Variants in GRID1 observed in about 807,000 individuals in gnomAD.
GRID1 encodes glutamate ionotropic receptor delta type subunit 1, also known as glutamate receptor ionotropic, delta-1.
A neutral mutation model predicts 98.0 loss-of-function variants in GRID1; 28 were observed. The observed-to-expected ratio is 0.29, with a 90% CI of 0.21 to 0.39. The LOEUF (loss-of-function observed/expected upper bound fraction) is 0.39. GRID1 is among the 10% of genes least tolerant of loss of function. The pLI, the probability that GRID1 is intolerant of heterozygous loss-of-function variation, is 1.00. For missense variants in GRID1, 1,111 were observed against 1,340.5 expected, an observed-to-expected ratio of 0.83 and a Z score of 2.67; for synonymous variants, 553 against 538.5, an observed-to-expected ratio of 1.03 and a Z score of -0.37.
At chr10:85,860,197 G>A (rs1360839612) in intron 6 of GRID1, among the ~76,000 whole-genome samples, 1 of 152,184 alleles carries the variant, frequency 6.6e-6, no homozygotes, top group African/African-American at 2.4e-5. Context: ...GCACAGTACA[G>A]AGTCCATTAG....
chr10:85,760,523 C>T (rs1181188401), intron 8 of GRID1, among the ~76,000 whole-genome samples: 1 of 152,164 alleles, frequency 6.6e-6, no homozygotes, highest in Non-Finnish European at 1.5e-5. Flanking sequence ...CATTTTCTGC[C>T]AGGTAAACTA....
chr10:86,062,986 T>C (rs1192212858), intron 4 of GRID1, among the ~76,000 whole-genome samples: 2 of 152,202 alleles, frequency 1.3e-5, no homozygotes, highest in South Asian at 2.1e-4. Flanking sequence ...TACCCAGAAC[T>C]TGGGAGGGAC....
At chr10:86,251,234 A>G (rs1846824917) in intron 2 of GRID1, among the ~76,000 whole-genome samples, 2 of 152,114 alleles carry the variant, frequency 1.3e-5, no homozygotes, top group African/African-American at 4.8e-5. Context: ...CCCTCTGCCT[A>G]GGAAAACCAG....
intron 12 of GRID1, among the ~76,000 whole-genome samples, chr10:85,721,144 G>A (rs2132648281): frequency 6.6e-6 from 1 of 152,308 alleles, no homozygotes; most frequent in Non-Finnish European, 1.5e-5. Flanking sequence ...CCACAATGAA[G>A]TATGACTCCA....
rs976882947 is a variant in GRID1, at chr10:86,041,238, G to T, written c.726+97581C>A. Among the ~76,000 whole-genome samples, 84 of 152,342 alleles carry T rather than the reference G, an allele frequency of 5.5e-4. 1 individual carries two copies. The highest frequency in any genetic ancestry group is 1.9e-3 in the African/African-American group (81 of 41,578). ...TCTGTTTCCTGCAAACCAACCCAGG[G>T]TGTGAGTGGTTGGGCAGGCCCTTGA... On this transcript the variant is annotated intron_variant, in intron 4 of 15. Coordinates refer to ENST00000327946, the MANE Select transcript of GRID1 (RefSeq NM_017551.3).
In GRID1 at chr10:85,737,645, GATATATAT is replaced by G. The variant is rs66947723; in HGVS notation, c.1234-8039_1234-8032del. Among the ~76,000 whole-genome samples, 715 of 95,686 alleles carry G rather than the reference GATATATAT, an allele frequency of 7.5e-3. 18 individuals are homozygous for G. The highest frequency in any genetic ancestry group is 0.014 in the South Asian group (38 of 2,716). 62.8% of individuals were successfully genotyped at this position (95,686 alleles called of 152,430 possible). A position where few individuals can be genotyped will look rare whatever the true frequency, so the allele number is the denominator to read the frequency against. ...TTGAACAACAACAACAGTAAAGCCA[GATATATAT>G]ATATATATATATATATATATAAACA... On this transcript the variant is annotated intron_variant, in intron 8 of 15. Transcript: ENST00000327946.
chr10:85,759,409 T>A (rs1320603024), intron 8 of GRID1, among the ~76,000 whole-genome samples: 1 of 152,160 alleles, frequency 6.6e-6, no homozygotes, highest in East Asian at 1.9e-4. Context: ...GGAGCCCCAC[T>A]CAAGCTGATC....
At chr10:85,660,361 A>G (rs1840951554) in intron 12 of GRID1, among the ~76,000 whole-genome samples, 1 of 152,238 alleles carries the variant, frequency 6.6e-6, no homozygotes, top group Non-Finnish European at 1.5e-5. Context: ...TGTTTGTCCA[A>G]TGGGAGCAAA....
chr10:85,925,210 C>G (rs1471016547), intron 4 of GRID1, among the ~76,000 whole-genome samples: 1 of 152,162 alleles, frequency 6.6e-6, no homozygotes, highest in Non-Finnish European at 1.5e-5. Flanking sequence ...AAATAAGGCC[C>G]CCCATGTTCT....
intron 13 of GRID1, chr10:85,644,133 A>G (rs1173278300): frequency 6.6e-6 from 1 of 152,234 alleles, no homozygotes; most frequent in Non-Finnish European, 1.5e-5. Context: ...GGTACTTGTG[A>G]GGAGCCCAGC....
At chr10:85,886,975 C>T (rs563178254) in intron 5 of GRID1, among the ~76,000 whole-genome samples, 21 of 152,254 alleles carry the variant, frequency 1.4e-4, no homozygotes, top group Admixed American at 1.2e-3. Context: ...TGTGTGATAC[C>T]AGCATTACTC....
intron 4 of GRID1, among the ~76,000 whole-genome samples, chr10:85,923,313 C>A (rs1416596329): frequency 1.3e-5 from 2 of 152,190 alleles, no homozygotes; most frequent in Admixed American, 6.5e-5. Context: ...AAGGCAATCA[C>A]TCCCAGCTCT....
At chr10:85,622,416 T>A (rs12266146) in intron 13 of GRID1, among the ~76,000 whole-genome samples, 1,909 of 152,124 alleles carry the variant, frequency 0.013, 17 homozygotes, top group African/African-American at 0.025. Flanking sequence ...TTCTTTTTTT[T>A]AAAAAAAATA....
At chr10:85,885,253 T>G (rs537260185) in intron 5 of GRID1, among the ~76,000 whole-genome samples, 1 of 152,310 alleles carries the variant, frequency 6.6e-6, no homozygotes, top group Admixed American at 6.5e-5. Context: ...CATGCTTAAT[T>G]CACTGATTCG....
At chr10:86,046,148 C>T (rs933620081) in intron 4 of GRID1, among the ~76,000 whole-genome samples, 1 of 152,174 alleles carries the variant, frequency 6.6e-6, no homozygotes, top group Non-Finnish European at 1.5e-5. Flanking sequence ...GTTATTGCCC[C>T]TTTCCATGGC....
intron 8 of GRID1, among the ~76,000 whole-genome samples, chr10:85,781,814 A>C (rs1269455677): frequency 6.6e-6 from 1 of 151,744 alleles, no homozygotes; most frequent in African/African-American, 2.4e-5. Context: ...TGAAAAAAAA[A>C]AAAACCAAAA....
intron 2 of GRID1, among the ~76,000 whole-genome samples, chr10:86,242,729 C>CA (rs1846658110): frequency 6.6e-6 from 1 of 152,196 alleles, no homozygotes; most frequent in Admixed American, 6.5e-5. Context: ...CACCCTACTC[C>CA]CAAGAATCAG....
intron 8 of GRID1, among the ~76,000 whole-genome samples, chr10:85,825,043 T>G (rs146289170): frequency 4.6e-5 from 7 of 152,244 alleles, no homozygotes; most frequent in Admixed American, 2.0e-4. Context: ...TTCTTTCCCT[T>G]TGGAAAAAAA....
intron 4 of GRID1, among the ~76,000 whole-genome samples, chr10:86,113,581 T>G (rs188688617): frequency 6.6e-6 from 1 of 152,328 alleles, no homozygotes; most frequent in East Asian, 1.9e-4. Flanking sequence ...ATTTTGCTTT[T>G]TTGCCTCTCC....
Sources: gnomAD v4.1 joint callset for allele counts (sites outside exome capture counted in the v4.1 genomes callset) on GRCh38, gnomAD v4.1.1 for gene constraint, MANE v1.5 for transcripts, NCBI Gene and HGNC (gene_info 2026-07-23, HGNC 2026-07-21) for gene names.